ODF1: variants seen among roughly 807,000 people sequenced by gnomAD.
ODF1 encodes the protein outer dense fiber of sperm tails 1.
In ODF1, 10 loss-of-function variants were observed where a neutral mutation model predicts 24.0. The ratio of observed to expected loss-of-function variants is 0.42; its 90% CI spans 0.26 to 0.71. ODF1 has a LOEUF of 0.71. Ranked by LOEUF, ODF1 falls within the 30% of genes least tolerant of loss-of-function variation. The probability of loss-of-function intolerance (pLI) is 0.28; values close to 1 mark genes in which losing one functional copy is unlikely to be tolerated. For synonymous variants in ODF1, 118 were observed against 121.3 expected (o/e 0.97, Z 0.18); for missense variants, 282 against 307.9 (o/e 0.92, Z 0.63).
At position 102,560,479 on chromosome 8, in the gene ODF1, G is replaced by C; in HGVS notation, c.348G>C (p.Leu116=). ...TGAGAAGAACAACAAATAGAATTCTGGCTTCCTCCTGCTGTAGCAGTAACA... is the reference window on the plus strand; with the variant it reads ...TGAGAAGAACAACAAATAGAATTCTCGCTTCCTCCTGCTGTAGCAGTAACA... ...AKLRRTTNRI[L]ASSCCSSNIL... Residue 116 remains leucine, a synonymous_variant, in exon 2 of 2, where the codon CTG becomes CTC. Transcript: ENST00000285402. The C allele has an allele frequency of 1.2e-6, 2 of 1,614,014 alleles. No homozygotes were observed. The highest frequency in any genetic ancestry group is 1.7e-6 in the Non-Finnish European group (2 of 1,179,924).
chr8:102,551,782 G>C lies in ODF1; in HGVS notation c.55G>C (p.Asp19His), dbSNP rs375133237. The C allele has an allele frequency of 1.2e-6, 2 of 1,613,696 alleles. No individual in the cohort carries two copies. The highest frequency in any genetic ancestry group is 2.7e-5 in the African/African-American group (2 of 74,910). Residue 19 changes from aspartate (D) to histidine (H), a missense_variant, in exon 1 of 2, where the codon GAC (aspartate) becomes CAC (histidine). Transcript: ENST00000285402. Reference protein sequence around the residue: ...DSVRRDIKKVDRELRQLRCID... With the variant: ...DSVRRDIKKVHRELRQLRCID... The stretch of plus-strand genomic sequence containing the variant: ...TGTCAGAAGGGACATAAAGAAGGTG[G>C]ACAGAGAACTAAGGCAACTGAGATG...
chr8:102,554,817 G>A (rs1430708348), intron 1 of ODF1, among the ~76,000 whole-genome samples: 2 of 152,132 alleles, frequency 1.3e-5, no homozygotes, highest in Admixed American at 6.5e-5. Flanking sequence ...AATTAACCAA[G>A]TGTGGTGGCA....
intron 1 of ODF1, among the ~76,000 whole-genome samples, chr8:102,552,642 A>G (rs1396751336): frequency 2.6e-5 from 4 of 152,174 alleles, no homozygotes; most frequent in Non-Finnish European, 5.9e-5. Flanking sequence ...CTTGCAAATA[A>G]ACTATGGCAC....
intron 1 of ODF1, among the ~76,000 whole-genome samples, chr8:102,557,202 A>G (rs928639875): frequency 1.4e-4 from 22 of 152,178 alleles, no homozygotes; most frequent in African/African-American, 1.7e-4. Flanking sequence ...CTTCGCCCCC[A>G]TGATAACAAG....
At chr8:102,559,616 C>T (rs1415559676) in intron 1 of ODF1, among the ~76,000 whole-genome samples, 1 of 151,580 alleles carries the variant, frequency 6.6e-6, no homozygotes, top group African/African-American at 2.4e-5. Flanking sequence ...ATCAACACGG[C>T]CCCACCCAGC....
rs756865366 is a variant in ODF1 at position 102,560,726 on chromosome 8, G to A, written c.595G>A (p.Glu199Lys). Reference protein sequence around the residue: ...SYGLGSCVKIESPCYPCTSPC... With the variant: ...SYGLGSCVKIKSPCYPCTSPC... ...TGGGCTCGGCAGCTGTGTCAAGATC[G>A]AGTCTCCTTGCTACCCTTGCACTTC... is the stretch of plus-strand genomic sequence containing the variant. Residue 199 changes from glutamate to lysine, a missense_variant, in exon 2 of 2, where the codon GAG becomes AAG. Glu to Lys is a moderately conservative substitution (Grantham distance 56, BLOSUM62 1). Coordinates refer to ENST00000285402, the MANE Select transcript of ODF1 (RefSeq NM_024410.4). The A allele has an allele frequency of 1.9e-6, 3 of 1,613,890 alleles. No individual in the cohort carries two copies. Among genetic ancestry groups the A allele is most frequent in the Non-Finnish European group, 1.7e-6 (2 of 1,179,988 alleles).
intron 1 of ODF1, among the ~76,000 whole-genome samples, chr8:102,552,333 AG>A (rs1481085736): frequency 6.6e-6 from 1 of 151,928 alleles, no homozygotes; most frequent in South Asian, 2.1e-4. Context: ...GGGAAGAAAC[AG>A]GGGGTGTCAT....
Position 102,551,845 on chromosome 8 carries a change from T to C in ODF1, c.118T>C (p.Tyr40His). ...TAGCACACGGTGCCTGTGCGACTTG[T>C]ATATGCACCCCTATTGCTGCTGTGA... ...EFSTRCLCDL[Y>H]MHPYCCCDLH... The change falls in exon 1 of 2, where the codon TAT becomes CAT. Residue 40 changes from tyrosine (Y) to histidine (H), a missense_variant. Transcript: ENST00000285402. 6.2e-7 allele frequency: 1 copy of C among 1,614,176 alleles called. No individual in the cohort carries two copies. The highest frequency in any genetic ancestry group is 8.5e-7 in the Non-Finnish European group (1 of 1,180,034).
In ODF1 at chr8:102,561,014, T is replaced by G; in HGVS notation, c.*130T>G. On this transcript the variant is annotated 3_prime_UTR_variant, in exon 2 of 2. Coordinates refer to ENST00000285402, the MANE Select transcript of ODF1 (RefSeq NM_024410.4). ...TAGGAAACTGAATACATAACTGCAA[T>G]CTGCTGGTGTTGTGTGAAAGTCTTT... 1 of 855,016 alleles carries G rather than the reference T, an allele frequency of 1.2e-6. No individual in the cohort carries two copies. The highest frequency in any genetic ancestry group is 1.8e-6 in the Non-Finnish European group (1 of 546,784). The allele number at this position is 855,016 out of a possible 1,614,324, so 53.0% of individuals were successfully genotyped here. A position where few individuals can be genotyped will look rare whatever the true frequency, so the allele number is the denominator to read the frequency against.
chr8:102,559,983 T>C (rs1563940253), intron 1 of ODF1, among the ~76,000 whole-genome samples: 1 of 151,242 alleles, frequency 6.6e-6, no homozygotes, highest in Non-Finnish European at 1.5e-5. Context: ...GTAATAATAA[T>C]GAGAGTGGTA....
At chr8:102,552,563 G>A (rs1420143746) in intron 1 of ODF1, among the ~76,000 whole-genome samples, 1 of 152,028 alleles carries the variant, frequency 6.6e-6, no homozygotes, top group East Asian at 1.9e-4. Context: ...CCCCACTCCA[G>A]GCAAAGACTT....
chr8:102,554,916 C>T (rs1248466188), intron 1 of ODF1, among the ~76,000 whole-genome samples: 2 of 152,054 alleles, frequency 1.3e-5, no homozygotes, highest in African/African-American at 4.8e-5. Flanking sequence ...CATGATTATG[C>T]CACTACACTC....
chr8:102,551,684 G>T lies in ODF1; in HGVS notation c.-44G>T. 6.7e-7 allele frequency: 1 copy of T among 1,486,692 alleles called. No homozygotes were observed. The highest frequency in any genetic ancestry group is 9.0e-7 in the Non-Finnish European group (1 of 1,106,524). 92.1% of individuals were successfully genotyped at this position (1,486,692 alleles called of 1,614,324 possible). ...CTTAGAACAAATTTTTTCCCGGAGT[G>T]CCATTTCCCAAAGGTACTCACAGAA... On this transcript the variant is annotated 5_prime_UTR_variant, in exon 1 of 2. Coordinates refer to ENST00000285402, the MANE Select transcript of ODF1 (RefSeq NM_024410.4).
intron 1 of ODF1, among the ~76,000 whole-genome samples, chr8:102,558,083 G>T (rs1437060824): frequency 6.6e-6 from 1 of 152,160 alleles, no homozygotes; most frequent in Non-Finnish European, 1.5e-5. Context: ...GTGGCATAGG[G>T]TACCCTGGCA....
chr8:102,560,728 GTCTCCTTGCTACCCTTGCACT>G lies in ODF1; in HGVS notation c.607_627del (p.Tyr203_Cys209del), dbSNP rs1388189515. 6.8e-6 allele frequency: 11 copies of G among 1,613,792 alleles called. No homozygotes were observed. The highest frequency in any genetic ancestry group is 1.6e-4 in the Middle Eastern group (1 of 6,084). On this transcript the variant is annotated inframe_deletion, in exon 2 of 2. Transcript: ENST00000285402. ...GGCTCGGCAGCTGTGTCAAGATCGA[GTCTCCTTGCTACCCTTGCACT>G]TCTCCTTGCAGCCCCTGCAGCCCCT...
At chr8:102,556,692 G>A (rs1826116367) in intron 1 of ODF1, among the ~76,000 whole-genome samples, 1 of 152,164 alleles carries the variant, frequency 6.6e-6, no homozygotes, top group Non-Finnish European at 1.5e-5. Flanking sequence ...CCTGCTGAGT[G>A]ACATTGTCCT....
At chr8:102,557,423 G>T (rs191826998) in intron 1 of ODF1, among the ~76,000 whole-genome samples, 1 of 152,292 alleles carries the variant, frequency 6.6e-6, no homozygotes, top group East Asian at 1.9e-4. Context: ...GTATGATCTG[G>T]CCAAGACTTT....
At chr8:102,555,245 A>G (rs527584485) in intron 1 of ODF1, among the ~76,000 whole-genome samples, 88 of 152,142 alleles carry the variant, frequency 5.8e-4, no homozygotes, top group Middle Eastern at 3.4e-3. Flanking sequence ...TCACCACCAC[A>G]TTTCATGGGC....
In ODF1 at chr8:102,551,896, T is replaced by C; in HGVS notation, c.169T>C (p.Cys57Arg). The C allele has an allele frequency of 6.2e-7, 1 of 1,614,142 alleles. No homozygotes were observed. The highest frequency in any genetic ancestry group is 8.5e-7 in the Non-Finnish European group (1 of 1,180,044). The part of the protein sequence containing the change: ...CDLHPYPYCL[C>R]YSKRSRSCGL... ...CTTGCACCCATATCCGTACTGCTTG[T>C]GCTATTCCAAGCGATCACGCTCTTG... The change falls in exon 1 of 2, where the codon TGC becomes CGC. Residue 57 changes from cysteine to arginine, a missense_variant. Transcript: ENST00000285402.
Sources: gnomAD v4.1 joint callset for allele counts (sites outside exome capture counted in the v4.1 genomes callset) on GRCh38, gnomAD v4.1.1 for gene constraint, MANE v1.5 for transcripts, NCBI Gene and HGNC (gene_info 2026-07-23, HGNC 2026-07-21) for gene names.